The following SUPT3H variants were observed in gnomAD, a reference collection of about 807,000 sequenced individuals.
The protein encoded by SUPT3H is SPT3 homolog, SAGA and STAGA complex component.
SUPT3H carries 44 observed loss-of-function variants against 44.3 expected under a neutral mutation model. The ratio of observed to expected loss-of-function variants is 0.99; its 90% confidence interval spans 0.78 to 1.28. The LOEUF is 1.28. Among genes scored for constraint, SUPT3H ranks in the 50% most tolerant of loss-of-function variants. The pLI is 0.00. For missense variants in SUPT3H, 380 were observed against 387.1 expected, an observed-to-expected ratio of 0.98 and a Z score of 0.15; for synonymous variants, 124 against 125.6, an observed-to-expected ratio of 0.99 and a Z score of 0.09.
At chr6:44,940,201 T>C (rs908419922) in intron 9 of SUPT3H, among the ~76,000 whole-genome samples, 2 of 152,078 alleles carry the variant, frequency 1.3e-5, no homozygotes, top group Non-Finnish European at 1.5e-5. Context: ...AACTTCCCTT[T>C]TGCAATGCTT....
chr6:44,941,186 G>A (rs957807173), intron 9 of SUPT3H, among the ~76,000 whole-genome samples: 1 of 152,002 alleles, frequency 6.6e-6, no homozygotes, highest in Non-Finnish European at 1.5e-5. Context: ...ATTGCCATTT[G>A]ATTCATTTCT....
Position 44,956,376 on chromosome 6 carries a change from C to T in SUPT3H, c.581-1769G>A, listed in dbSNP as rs936047919. Among the ~76,000 whole-genome samples the T allele has an allele frequency of 7.8e-5, 11 of 141,248 alleles. 1 individual carries two copies. In the Admixed American group the frequency reaches 7.9e-4, roughly 10 times the overall value. 92.7% of individuals were successfully genotyped at this position (141,248 alleles called of 152,430 possible). ...GTGCGTGCCTGTAGTCCCAGCTACT[C>T]GTGAGGCTGAGGCAGGAGAATTGAT... On this transcript the variant is annotated intron_variant, in intron 7 of 10. Coordinates refer to ENST00000371459, the MANE Select transcript of SUPT3H (RefSeq NM_003599.4).
At chr6:45,302,682 C>A (rs1156867389) in intron 2 of SUPT3H, among the ~76,000 whole-genome samples, 1 of 151,714 alleles carries the variant, frequency 6.6e-6, no homozygotes, top group African/African-American at 2.4e-5. Context: ...ATAGCAACTT[C>A]TTTTCCTCTG....
At chr6:44,921,993 T>C (rs2153457156) in intron 10 of SUPT3H, among the ~76,000 whole-genome samples, 1 of 152,354 alleles carries the variant, frequency 6.6e-6, no homozygotes, top group African/African-American at 2.4e-5. Flanking sequence ...TTTCCTGATC[T>C]AGAGAGCATA....
chr6:44,888,913 C>T (rs1158074888), intron 10 of SUPT3H, among the ~76,000 whole-genome samples: 3 of 106,154 alleles, frequency 2.8e-5, no homozygotes, highest in Non-Finnish European at 5.8e-5. Flanking sequence ...GCGACTTCAG[C>T]AAAGTCTCAG....
At chr6:45,055,863 A>T (rs1791033606) in intron 3 of SUPT3H, among the ~76,000 whole-genome samples, 1 of 152,230 alleles carries the variant, frequency 6.6e-6, no homozygotes, top group East Asian at 1.9e-4. Context: ...ACAGCAAAAG[A>T]AATAATCAGC....
intron 2 of SUPT3H, among the ~76,000 whole-genome samples, chr6:45,312,358 C>T (rs1230539498): frequency 6.6e-6 from 1 of 151,572 alleles, no homozygotes; most frequent in Non-Finnish European, 1.5e-5. Context: ...ACAAAATATA[C>T]AAAAAAATTA....
chr6:45,255,217 G>A (rs1453060253), intron 2 of SUPT3H, among the ~76,000 whole-genome samples: 1 of 152,068 alleles, frequency 6.6e-6, no homozygotes, highest in African/African-American at 2.4e-5. Flanking sequence ...TGAGATTTCA[G>A]GCATGCACTA....
At chr6:44,810,978 T>C (rs532260173) in intron 11 of SUPT3H, among the ~76,000 whole-genome samples, 10 of 152,314 alleles carry the variant, frequency 6.6e-5, no homozygotes, top group African/African-American at 2.2e-4. Flanking sequence ...AAAGTTCCCA[T>C]ATACCCAACA....
intron 2 of SUPT3H, among the ~76,000 whole-genome samples, chr6:45,113,827 CAAAAA>C (rs374606230): frequency 1.8e-5 from 2 of 112,750 alleles, no homozygotes; most frequent in African/African-American, 3.4e-5. Context: ...AAGACTCCAT[CAAAAA>C]AAAAAAAAAA....
chr6:45,268,761 ATG>A (rs922990198), intron 2 of SUPT3H, among the ~76,000 whole-genome samples: 1 of 152,208 alleles, frequency 6.6e-6, no homozygotes, highest in Non-Finnish European at 1.5e-5. Flanking sequence ...ACTAAGAAGA[ATG>A]TGTGATAGTT....
chr6:44,922,892 G>A (rs1337154316), intron 10 of SUPT3H, among the ~76,000 whole-genome samples: 1 of 151,998 alleles, frequency 6.6e-6, no homozygotes, highest in Non-Finnish European at 1.5e-5. Context: ...TCCTTGTGCT[G>A]CTTTCATGAA....
In SUPT3H at chr6:45,081,021, C is replaced by A. The variant is rs1456825544; in HGVS notation, c.186+24901G>T. ...CCATTTTATGCCTGTATCAGAAAAT[C>A]TCATATATCCCATATATATATGTAC... On this transcript the variant is annotated intron_variant, in intron 3 of 10. Transcript: ENST00000371459. Among the ~76,000 whole-genome samples, 8 of 58,682 alleles carry A rather than the reference C, an allele frequency of 1.4e-4. No homozygotes were observed. The Admixed American group carries it at 1.9e-3, about 14-fold the overall frequency. The allele number at this position is 58,682 out of a possible 152,430, so 38.5% of individuals were successfully genotyped here. A position where few individuals can be genotyped will look rare whatever the true frequency, so the allele number is the denominator to read the frequency against.
intron 2 of SUPT3H, among the ~76,000 whole-genome samples, chr6:45,279,883 A>G (rs796500191): frequency 6.6e-6 from 1 of 152,310 alleles, no homozygotes; most frequent in African/African-American, 2.4e-5. Flanking sequence ...TCTAACAGAT[A>G]CCTCAAATTT....
At chr6:45,179,510 C>T (rs1812700478) in intron 2 of SUPT3H, among the ~76,000 whole-genome samples, 1 of 152,150 alleles carries the variant, frequency 6.6e-6, no homozygotes, top group Non-Finnish European at 1.5e-5. Flanking sequence ...TCCAGCAGCA[C>T]ATCAAAAAAC....
At chr6:45,022,955 C>A (rs1785383418) in intron 3 of SUPT3H, among the ~76,000 whole-genome samples, 1 of 152,020 alleles carries the variant, frequency 6.6e-6, no homozygotes, top group Non-Finnish European at 1.5e-5. Flanking sequence ...TGGGACCATG[C>A]AGTTCAAGCC....
intron 3 of SUPT3H, among the ~76,000 whole-genome samples, chr6:45,083,750 T>C (rs760755368): frequency 6.8e-6 from 1 of 147,098 alleles, no homozygotes; most frequent in Admixed American, 6.8e-5. Flanking sequence ...AACAGACACA[T>C]AGACTAATGA....
chr6:45,065,272 G>C (rs1315467693), intron 3 of SUPT3H, among the ~76,000 whole-genome samples: 1 of 144,222 alleles, frequency 6.9e-6, no homozygotes, highest in Non-Finnish European at 1.5e-5. Context: ...CGAGAACAAA[G>C]ACACAACATA....
At chr6:44,963,458 C>G (rs946110632) in intron 6 of SUPT3H, among the ~76,000 whole-genome samples, 2 of 152,116 alleles carry the variant, frequency 1.3e-5, no homozygotes, top group African/African-American at 4.8e-5. Flanking sequence ...CCACTGCACA[C>G]CAGCCTGGGT....
Sources: allele counts gnomAD v4.1 joint callset (sites outside exome capture counted in the v4.1 genomes callset), GRCh38; gene constraint gnomAD v4.1.1; transcripts MANE v1.5; gene names NCBI Gene and HGNC (gene_info 2026-07-23, HGNC 2026-07-21).